MCM6: variants seen among roughly 807,000 people sequenced by gnomAD.
MCM6 encodes DNA replication licensing factor MCM6.
In MCM6, 46 loss-of-function variants were observed where a neutral mutation model predicts 94.3. That is an observed-to-expected ratio of 0.49 (90% CI 0.39 to 0.62). The LOEUF is 0.62. Among genes scored for constraint, MCM6 ranks in the 20% least tolerant of loss-of-function variants. The pLI, the probability that MCM6 is intolerant of heterozygous loss-of-function variation, is 0.00. For synonymous variants in MCM6, 335 were observed against 351.9 expected (o/e 0.95, Z 0.54); for missense variants, 865 against 1,017.9 (o/e 0.85, Z 2.04).
chr2:135,869,198 C>G (rs996784712), intron 3 of MCM6, among the ~76,000 whole-genome samples: 2 of 152,074 alleles, frequency 1.3e-5, no homozygotes, highest in Admixed American at 1.3e-4. Context: ...GTCAAGAGAT[C>G]AAGACCATCC....
At chr2:135,864,737 G>T (rs555292045) in intron 7 of MCM6, among the ~76,000 whole-genome samples, 39 of 152,180 alleles carry the variant, frequency 2.6e-4, no homozygotes, top group Middle Eastern at 3.4e-3. Context: ...CCAGAACTTT[G>T]TCATCATCCC....
chr2:135,876,162 C>A, intron 1 of MCM6, 97 bp downstream of exon 1: 1 of 950,874 alleles, frequency 1.1e-6, no homozygotes, highest in East Asian at 3.2e-5. Flanking sequence ...ACGCGCGACC[C>A]CCAGGTTCCG....
intron 7 of MCM6, among the ~76,000 whole-genome samples, chr2:135,863,405 A>T (rs1221931086): frequency 6.6e-6 from 1 of 152,204 alleles, no homozygotes. Flanking sequence ...TACACAAGGC[A>T]TTCCTTAAAG....
intron 4 of MCM6, among the ~76,000 whole-genome samples, chr2:135,868,085 A>G (rs982199118): frequency 6.6e-6 from 1 of 151,968 alleles, no homozygotes; most frequent in African/African-American, 2.4e-5. Flanking sequence ...CTACCTTCCC[A>G]CTATATTCCC....
chr2:135,840,114 C>A lies in MCM6; in HGVS notation c.*721G>T, dbSNP rs1170844452. Reference sequence around the variant, plus strand: ...GTAATATAGCAAATGACCTATTTCCCCTAAAAAAGCAATTTGAAAACAATC... The same window carrying A: ...GTAATATAGCAAATGACCTATTTCCACTAAAAAAGCAATTTGAAAACAATC... On this transcript the variant is annotated 3_prime_UTR_variant, in exon 17 of 17. Coordinates refer to ENST00000264156, the MANE Select transcript of MCM6 (RefSeq NM_005915.6). 1.3e-5 allele frequency: 2 copies of A among 151,644 alleles called. No homozygotes were observed. The highest frequency in any genetic ancestry group is 2.9e-5 in the Non-Finnish European group (2 of 67,970). 9.4% of individuals were successfully genotyped at this position (151,644 alleles called of 1,614,324 possible). A position where few individuals can be genotyped will look rare whatever the true frequency, so the allele number is the denominator to read the frequency against.
At chr2:135,861,233 T>C (rs1167206122) in intron 8 of MCM6, among the ~76,000 whole-genome samples, 1 of 152,192 alleles carries the variant, frequency 6.6e-6, no homozygotes, top group Non-Finnish European at 1.5e-5. Flanking sequence ...GGCAGCTTGA[T>C]GTAGTATGAA....
chr2:135,848,201 T>A lies in MCM6; in HGVS notation c.1918-13A>T, dbSNP rs749537966. On this transcript the variant is annotated splice_polypyrimidine_tract_variant and intron_variant, in intron 13 of 16. Coordinates refer to ENST00000264156, the MANE Select transcript of MCM6 (RefSeq NM_005915.6). ...GTTTAGGTTGGACCTAAACCAATAATGATGAAGTAATTAAGCTACTTTTTT... is the reference window on the plus strand; with the variant it reads ...GTTTAGGTTGGACCTAAACCAATAAAGATGAAGTAATTAAGCTACTTTTTT... 1 of 1,588,234 alleles carries A rather than the reference T, an allele frequency of 6.3e-7. No individual in the cohort carries two copies. The highest frequency in any genetic ancestry group is 1.7e-5 in the Admixed American group (1 of 58,728).
chr2:135,851,337 A>C (rs1679777316), intron 13 of MCM6, 65 bp downstream of exon 13: 1 of 1,344,048 alleles, frequency 7.4e-7, no homozygotes, highest in Non-Finnish European at 1.0e-6. Context: ...TCCCATACCA[A>C]AGATTAAAAA....
At chr2:135,852,267 A>AT (rs949855182) in intron 12 of MCM6, among the ~76,000 whole-genome samples, 9 of 151,870 alleles carry the variant, frequency 5.9e-5, no homozygotes, top group East Asian at 1.9e-4. Flanking sequence ...CAGAATGAGT[A>AT]TTTTTTTTCC....
chr2:135,872,705 C>T lies in MCM6; in HGVS notation c.246G>A (p.Glu82=). The T allele has an allele frequency of 6.2e-7, 1 of 1,614,160 alleles. No homozygotes were observed. Among genetic ancestry groups the T allele is most frequent in the East Asian group, 2.2e-5 (1 of 44,888 alleles). Residue 82 remains glutamate (E), a synonymous_variant, in exon 2 of 17, where the codon GAG becomes GAA. Coordinates refer to ENST00000264156, the MANE Select transcript of MCM6 (RefSeq NM_005915.6). ...NQQLSTTIQE[E]FYRVYPYLCR... ...GATTAATATGCCCATACCTATAGAA[C>T]TCCTCTTGAATGGTGGTGGAAAGTT...
intron 11 of MCM6, among the ~76,000 whole-genome samples, chr2:135,854,798 A>G: frequency 6.6e-6 from 1 of 152,122 alleles, no homozygotes; most frequent in East Asian, 1.9e-4. Flanking sequence ...GTGTTAGCCC[A>G]GGAGGCTGAG....
At chr2:135,848,290 A>C (rs773758646) in intron 13 of MCM6, 102 bp from the exon 14 acceptor site, 4 of 733,482 alleles carry the variant, frequency 5.5e-6, no homozygotes, top group Non-Finnish European at 9.2e-6. Context: ...TTTTCTCACA[A>C]ACACACACAC....
At position 135,866,645 on chromosome 2, in the gene MCM6, C is replaced by T. The variant is rs1444522861; in HGVS notation, c.699G>A (p.Val233=). The T allele has an allele frequency of 1.9e-6, 3 of 1,614,090 alleles. No homozygotes were observed. The highest frequency in any genetic ancestry group is 2.7e-5 in the African/African-American group (2 of 75,046). ...ACTTGTCACCAGCTTGAGCTGATTCCACAGCTTCAGCCCTTAAAATTACTT... is the reference window on the plus strand; with the variant it reads ...ACTTGTCACCAGCTTGAGCTGATTCTACAGCTTCAGCCCTTAAAATTACTT... ...SLEVILRAEA[V]ESAQAGDKCD... The change falls in exon 5 of 17, where the codon GTG becomes GTA. Residue 233 remains valine (V), a synonymous_variant. Coordinates refer to ENST00000264156, the MANE Select transcript of MCM6 (RefSeq NM_005915.6).
chr2:135,867,408 TATAAG>T (rs1473750264), intron 4 of MCM6, among the ~76,000 whole-genome samples: 3 of 152,174 alleles, frequency 2.0e-5, no homozygotes, highest in Non-Finnish European at 2.9e-5. Context: ...ATTCATACTT[TATAAG>T]ATAAGACATC....
chr2:135,866,532 A>C, intron 5 of MCM6, 31 bp downstream of exon 5: 1 of 1,588,024 alleles, frequency 6.3e-7, no homozygotes. Flanking sequence ...GTAACTGAGA[A>C]TTTGTTAAAT....
rs747165308 is a variant in MCM6 at position 135,859,337 on chromosome 2, A to C, written c.1326T>G (p.Phe442Leu). 2 of 1,613,738 alleles carry C rather than the reference A, an allele frequency of 1.2e-6. No individual in the cohort carries two copies. The highest frequency in any genetic ancestry group is 1.3e-5 in the African/African-American group (1 of 75,024). Reference protein sequence around the residue: ...AVVRDEESHEFVIEAGALMLA... With the variant: ...AVVRDEESHELVIEAGALMLA... ...ACATCAAAGCTCCAGCCTCAATGAC[A>C]AACTCATGAGATTCTTCATCTCTCA... is the stretch of plus-strand genomic sequence containing the variant. The change falls in exon 9 of 17, where the codon TTT (phenylalanine) becomes TTG (leucine). Residue 442 changes from phenylalanine to leucine, a missense_variant. Phe to Leu is a conservative substitution (Grantham distance 22). This residue lies in a region of MCM6 where 153 missense variants were observed against 241.5 expected (regional missense o/e 0.63). Transcript: ENST00000264156.
rs945899652 is a variant in MCM6 at position 135,867,372 on chromosome 2, C to G, written c.616-644G>C. 2.2e-4 allele frequency among the ~76,000 whole-genome samples: 33 copies of G among 151,956 alleles called. 1 individual carries two copies. The East Asian group carries it at 5.8e-3, about 27-fold the overall frequency. On this transcript the variant is annotated intron_variant, in intron 4 of 16. Coordinates refer to ENST00000264156, the MANE Select transcript of MCM6 (RefSeq NM_005915.6). ...AGTGTCCTTTATACAGTTGTGTTCC[C>G]CCCCCCAAACTAAGACCCAATCTAG... is the stretch of plus-strand genomic sequence containing the variant.
chr2:135,857,158 G>A lies in MCM6; in HGVS notation c.1471-275C>T, dbSNP rs144546218. ...AATTTTGTTTGTAATACAAAACACT[G>A]AAAATGAACCAAATGTCACTCAACA... On this transcript the variant is annotated intron_variant, in intron 10 of 16. Coordinates refer to ENST00000264156, the MANE Select transcript of MCM6 (RefSeq NM_005915.6). Among the ~76,000 whole-genome samples the A allele has an allele frequency of 2.0e-5, 3 of 152,230 alleles. No individual in the cohort carries two copies. In the East Asian group the frequency reaches 5.8e-4, roughly 29 times the overall value.
intron 4 of MCM6, among the ~76,000 whole-genome samples, 193 bp downstream of exon 4, chr2:135,868,418 A>G (rs1390857025): frequency 4.6e-5 from 7 of 152,260 alleles, no homozygotes; most frequent in Admixed American, 4.6e-4. Flanking sequence ...AGTTACTGAA[A>G]GTTAAAACAA....
Sources: allele counts gnomAD v4.1 joint callset (sites outside exome capture counted in the v4.1 genomes callset), GRCh38; gene constraint gnomAD v4.1.1; regional missense constraint gnomAD v4.1.1; transcripts MANE v1.5; gene names NCBI Gene and HGNC (gene_info 2026-07-23, HGNC 2026-07-21).